NRXN1: variants seen among roughly 807,000 people sequenced by gnomAD.
NRXN1 encodes the protein neurexin 1, also known as neurexin-1.
NRXN1 carries 39 observed loss-of-function variants against 150.9 expected under a neutral mutation model. The ratio of observed to expected loss-of-function variants is 0.26; its 90% CI spans 0.20 to 0.34. NRXN1 has a LOEUF of 0.34. NRXN1 is among the 10% of genes least tolerant of loss of function. NRXN1 has a pLI of 1.00. For synonymous variants in NRXN1, 924 were observed against 757.0 expected (o/e 1.22, Z -3.62); for missense variants, 1,815 against 1,949.9 (o/e 0.93, Z 1.30).
intron 5 of NRXN1, among the ~76,000 whole-genome samples, chr2:50,794,841 C>T (rs1026895713): frequency 6.6e-6 from 1 of 152,018 alleles, no homozygotes; most frequent in African/African-American, 2.4e-5. Context: ...TTTTGAAACA[C>T]AATTTTTTCA....
At chr2:50,064,929 G>C (rs1043042437) in intron 19 of NRXN1, among the ~76,000 whole-genome samples, 1 of 152,080 alleles carries the variant, frequency 6.6e-6, no homozygotes, top group Admixed American at 6.6e-5. Flanking sequence ...CGAGGGGCTT[G>C]GATTGTCTTC....
At chr2:50,492,306 C>T (rs2091296057) in intron 15 of NRXN1, among the ~76,000 whole-genome samples, 1 of 152,130 alleles carries the variant, frequency 6.6e-6, no homozygotes, top group Non-Finnish European at 1.5e-5. Context: ...CAGGAAGAGA[C>T]ACACAACCCC....
intron 21 of NRXN1, among the ~76,000 whole-genome samples, chr2:49,950,104 A>T (rs1673661979): frequency 6.6e-6 from 1 of 152,002 alleles, no homozygotes; most frequent in African/African-American, 2.4e-5. Flanking sequence ...AAGGGAAGTC[A>T]TAATTCTCAC....
intron 5 of NRXN1, among the ~76,000 whole-genome samples, chr2:50,721,080 TAA>T (rs1411774908): frequency 6.6e-6 from 1 of 152,166 alleles, no homozygotes; most frequent in African/African-American, 2.4e-5. Flanking sequence ...TAAATCTGTA[TAA>T]ATAGATAGAA....
chr2:50,905,119 T>C (rs1185611011), intron 5 of NRXN1, among the ~76,000 whole-genome samples: 2 of 152,132 alleles, frequency 1.3e-5, no homozygotes, highest in Non-Finnish European at 2.9e-5. Flanking sequence ...ATCATCACAG[T>C]TCAGCCCACT....
chr2:50,741,039 ACGGCTATGACTTACTG>A (rs1699360944), intron 5 of NRXN1, among the ~76,000 whole-genome samples: 1 of 152,160 alleles, frequency 6.6e-6, no homozygotes, highest in Non-Finnish European at 1.5e-5. Flanking sequence ...AAAATCTGTG[ACGGCTATGACTTACTG>A]CACGCAGAGC....
At chr2:50,652,451 C>A (rs988356615) in intron 5 of NRXN1, among the ~76,000 whole-genome samples, 1 of 151,954 alleles carries the variant, frequency 6.6e-6, no homozygotes, top group African/African-American at 2.4e-5. Context: ...ATAGGTTTGC[C>A]TTTTTTGGAC....
At chr2:50,221,876 T>A (rs538274043) in intron 18 of NRXN1, among the ~76,000 whole-genome samples, 58 of 152,156 alleles carry the variant, frequency 3.8e-4, no homozygotes, top group African/African-American at 1.4e-3. Flanking sequence ...AGGACATGTA[T>A]GTTTTACTAA....
chr2:50,712,995 T>C (rs1377087878), intron 5 of NRXN1, among the ~76,000 whole-genome samples: 4 of 152,152 alleles, frequency 2.6e-5, no homozygotes, highest in African/African-American at 9.7e-5. Context: ...ATATCTTTTG[T>C]GCTTGTATAT....
At chr2:50,657,728 T>C (rs1263846399) in intron 5 of NRXN1, among the ~76,000 whole-genome samples, 1 of 152,024 alleles carries the variant, frequency 6.6e-6, no homozygotes, top group Non-Finnish European at 1.5e-5. Context: ...AAAAGAAGTA[T>C]ACATCTTTTC....
intron 21 of NRXN1, among the ~76,000 whole-genome samples, chr2:49,996,250 C>T (rs1682982400): frequency 6.6e-6 from 1 of 152,170 alleles, no homozygotes; most frequent in African/African-American, 2.4e-5. Flanking sequence ...GTAGAAATAA[C>T]TGTCTTTGCC....
intron 5 of NRXN1, among the ~76,000 whole-genome samples, chr2:50,873,927 T>C (rs909498477): frequency 1.3e-5 from 2 of 151,950 alleles, no homozygotes; most frequent in Admixed American, 1.3e-4. Flanking sequence ...GTACTAAGTC[T>C]TAACTCCAGC....
At chr2:50,901,195 A>G (rs1682884267) in intron 5 of NRXN1, among the ~76,000 whole-genome samples, 1 of 152,120 alleles carries the variant, frequency 6.6e-6, no homozygotes, top group South Asian at 2.1e-4. Context: ...GAGGGGATTC[A>G]ATAAATTTGA....
chr2:50,783,110 T>C (rs902256726), intron 5 of NRXN1, among the ~76,000 whole-genome samples: 8 of 152,184 alleles, frequency 5.3e-5, no homozygotes, highest in Non-Finnish European at 1.2e-4. Flanking sequence ...TTGGTCAAGA[T>C]CATGCATGTA....
chr2:50,129,184 T>C (rs114380948), intron 18 of NRXN1, among the ~76,000 whole-genome samples: 2,043 of 143,762 alleles, frequency 0.014, 50 homozygotes, highest in African/African-American at 0.048. Context: ...TTTTATGATA[T>C]TTATGTAACT....
chr2:50,092,868 T>A (rs557923199), intron 18 of NRXN1, among the ~76,000 whole-genome samples: 3 of 152,198 alleles, frequency 2.0e-5, no homozygotes, highest in Non-Finnish European at 4.4e-5. Context: ...ACAATTTTTT[T>A]TGGTTTGATT....
intron 2 of NRXN1, among the ~76,000 whole-genome samples, chr2:50,983,127 A>T (rs1197250169): frequency 4.6e-5 from 7 of 152,042 alleles, no homozygotes; most frequent in African/African-American, 7.2e-5. Flanking sequence ...ATCACAGAAG[A>T]TTTACTAATT....
intron 21 of NRXN1, among the ~76,000 whole-genome samples, chr2:49,987,737 A>C (rs1681170726): frequency 6.7e-6 from 1 of 148,286 alleles, no homozygotes; most frequent in Non-Finnish European, 1.5e-5. Context: ...ATCATACATA[A>C]ATTTATTCTA....
At chr2:50,603,196 G>C (rs1038237307) in intron 8 of NRXN1, among the ~76,000 whole-genome samples, 8 of 152,140 alleles carry the variant, frequency 5.3e-5, no homozygotes, top group Non-Finnish European at 8.8e-5. Flanking sequence ...CCAGTATTTT[G>C]AATTTTTAAA....
Sources: allele counts gnomAD v4.1 joint callset (sites outside exome capture counted in the v4.1 genomes callset), GRCh38; gene constraint gnomAD v4.1.1; transcripts MANE v1.5; gene names NCBI Gene and HGNC (gene_info 2026-07-23, HGNC 2026-07-21).